OSGIN2: variants seen among roughly 807,000 people sequenced by gnomAD.
OSGIN2 encodes oxidative stress induced growth inhibitor family member 2.
A neutral mutation model predicts 53.8 loss-of-function variants in OSGIN2; 19 were observed. That is an observed-to-expected ratio of 0.35 (90% CI 0.25 to 0.52). OSGIN2 has a LOEUF of 0.52. Ranked by LOEUF, OSGIN2 falls within the 20% of genes least tolerant of loss-of-function variation. OSGIN2 has a pLI of 0.95. For missense variants in OSGIN2, 520 were observed against 662.7 expected (o/e 0.78, Z 2.36); for synonymous variants, 236 against 236.0 (o/e 1.00, Z 0.00).
intron 5 of OSGIN2, among the ~76,000 whole-genome samples, chr8:89,923,653 C>T (rs1809252334): frequency 6.6e-6 from 1 of 152,146 alleles, no homozygotes. Flanking sequence ...GCTCTGAGCA[C>T]ATTTAAGGCA....
chr8:89,919,382 C>T (rs76902623), intron 4 of OSGIN2, among the ~76,000 whole-genome samples: 1,825 of 152,276 alleles, frequency 0.012, 36 homozygotes, highest in African/African-American at 0.041. Context: ...GTCACTGGTG[C>T]GTGGTGTCGA....
At chr8:89,913,253 C>T (rs1809008857) in intron 2 of OSGIN2, among the ~76,000 whole-genome samples, 1 of 152,154 alleles carries the variant, frequency 6.6e-6, no homozygotes, top group Non-Finnish European at 1.5e-5. Flanking sequence ...CTGTTACCAT[C>T]CTTGCTTTAA....
intron 4 of OSGIN2, among the ~76,000 whole-genome samples, chr8:89,915,115 TAAATG>T (rs757137075): frequency 6.6e-6 from 1 of 152,234 alleles, no homozygotes; most frequent in Non-Finnish European, 1.5e-5. Context: ...TTCAGAATCT[TAAATG>T]AAAAATGTAA....
chr8:89,902,883 C>G (rs149993601), intron 1 of OSGIN2, 46 bp downstream of exon 1: 46,504 of 1,289,122 alleles, frequency 0.036, 1,110 homozygotes, highest in South Asian at 0.086. Flanking sequence ...GGGGATGCCG[C>G]GCTCTCGAGC....
At chr8:89,918,094 C>T (rs1011417280) in intron 4 of OSGIN2, among the ~76,000 whole-genome samples, 3 of 152,194 alleles carry the variant, frequency 2.0e-5, no homozygotes, top group Admixed American at 2.0e-4. Context: ...CTTCTGCCAC[C>T]GGTTTTCCAT....
chr8:89,902,750 GC>G lies in OSGIN2; in HGVS notation c.-43del. On this transcript the variant is annotated 5_prime_UTR_variant, in exon 1 of 6. Coordinates refer to ENST00000451899, the MANE Select transcript of OSGIN2 (RefSeq NM_001126111.3). ...GGCAGCCTCGCCGGGGGAGGCGGAGGCGGCCACGGCGGCCGCGCTCGGGCGC... is the reference window on the plus strand; with the variant it reads ...GGCAGCCTCGCCGGGGGAGGCGGAGGGGCCACGGCGGCCGCGCTCGGGCGC... 1 of 1,169,380 alleles carries G rather than the reference GC, an allele frequency of 8.6e-7. No homozygotes were observed. The allele number at this position is 1,169,380 out of a possible 1,614,324, so 72.4% of individuals were successfully genotyped here.
At chr8:89,913,159 C>G (rs1236089185) in intron 2 of OSGIN2, among the ~76,000 whole-genome samples, 1 of 152,216 alleles carries the variant, frequency 6.6e-6, no homozygotes, top group East Asian at 1.9e-4. Flanking sequence ...CTGCCTACAT[C>G]TTAGCAGAAT....
rs77826209 is a variant in OSGIN2 at position 89,917,471 on chromosome 8, A to G, written c.528+2725A>G. 3.8e-3 allele frequency among the ~76,000 whole-genome samples: 583 copies of G among 152,310 alleles called. 7 individuals are homozygous for G. Among genetic ancestry groups the G allele is most frequent in the African/African-American group, 0.013 (527 of 41,560 alleles). On this transcript the variant is annotated intron_variant, in intron 4 of 5. Transcript: ENST00000451899. ...CCTTAACCCATTGTCCTTCTGTCAC[A>G]TAGGTTTGTCATACAGGCAATTCAT...
chr8:89,917,652 C>CT (rs971270171), intron 4 of OSGIN2, among the ~76,000 whole-genome samples: 3 of 152,040 alleles, frequency 2.0e-5, no homozygotes, highest in African/African-American at 4.8e-5. Flanking sequence ...ACCTTTATCT[C>CT]TTTTTTTTCT....
At chr8:89,923,124 C>G (rs1809243974) in intron 5 of OSGIN2, among the ~76,000 whole-genome samples, 1 of 152,096 alleles carries the variant, frequency 6.6e-6, no homozygotes, top group Non-Finnish European at 1.5e-5. Context: ...AGGCCTAGCA[C>G]ATTACTGTAC....
At chr8:89,918,114 T>G (rs1166366666) in intron 4 of OSGIN2, among the ~76,000 whole-genome samples, 1 of 152,194 alleles carries the variant, frequency 6.6e-6, no homozygotes, top group Non-Finnish European at 1.5e-5. Flanking sequence ...TTGGAACTGT[T>G]TTTTCTGAAA....
At position 89,911,928 on chromosome 8, in the gene OSGIN2, A is replaced by C. The variant is rs556663010; in HGVS notation, c.200-2149A>C. Among the ~76,000 whole-genome samples, 863 of 134,370 alleles carry C rather than the reference A, an allele frequency of 6.4e-3. 7 individuals carry two copies. Among genetic ancestry groups the C allele is most frequent in the African/African-American group, 0.027 (818 of 30,376 alleles). The allele number at this position is 134,370 out of a possible 152,430, so 88.2% of individuals were successfully genotyped here. A position where few individuals can be genotyped will look rare whatever the true frequency, so the allele number is the denominator to read the frequency against. ...ACTCCAGCTTGGGCGACAGAGCGAG[A>C]CTCCGTCTCAAAAAAAAAAAAGATA... On this transcript the variant is annotated intron_variant, in intron 2 of 5. Transcript: ENST00000451899.
chr8:89,911,937 CAAAAAA>C (rs35376198), intron 2 of OSGIN2, among the ~76,000 whole-genome samples: 3 of 144,398 alleles, frequency 2.1e-5, no homozygotes, highest in African/African-American at 7.4e-5. Flanking sequence ...GACTCCGTCT[CAAAAAA>C]AAAAAAGATA....
intron 2 of OSGIN2, among the ~76,000 whole-genome samples, chr8:89,913,215 TAGAA>T (rs1809007880): frequency 6.6e-6 from 1 of 152,190 alleles, no homozygotes; most frequent in African/African-American, 2.4e-5. Flanking sequence ...TCATTAGTTT[TAGAA>T]AGGCGGTTTA....
intron 1 of OSGIN2, among the ~76,000 whole-genome samples, chr8:89,909,037 A>AATATATAT (rs1252373741): frequency 2.6e-4 from 22 of 84,864 alleles, no homozygotes; most frequent in African/African-American, 1.4e-3. Flanking sequence ...AAAAAAAAAA[A>AATATATAT]ATATATATAT....
rs576640788 is a variant in OSGIN2 at position 89,910,286 on chromosome 8, C to CATA, written c.199+567_199+568insAAT. Among the ~76,000 whole-genome samples the CATA allele has an allele frequency of 5.7e-3, 863 of 152,222 alleles. 7 individuals carry two copies. Among genetic ancestry groups the CATA allele is most frequent in the African/African-American group, 0.02 (818 of 41,516 alleles). On this transcript the variant is annotated intron_variant, in intron 2 of 5. Coordinates refer to ENST00000451899, the MANE Select transcript of OSGIN2 (RefSeq NM_001126111.3). ...ATTAAAAATTAAACTATTAATAAAA[C>CATA]ATTCAGATTTATAAGCTTTTATAAT...
intron 1 of OSGIN2, among the ~76,000 whole-genome samples, chr8:89,903,457 A>G (rs923313693): frequency 2.0e-5 from 3 of 152,236 alleles, no homozygotes; most frequent in Non-Finnish European, 4.4e-5. Context: ...ATTGGTGGAA[A>G]GACCAGACAC....
At position 89,902,777 on chromosome 8, in the gene OSGIN2, C is replaced by T; in HGVS notation, c.-17C>T. On this transcript the variant is annotated 5_prime_UTR_variant, in exon 1 of 6. Transcript: ENST00000451899. ...GGCCACGGCGGCCGCGCTCGGGCGC[C>T]CCTCGCGCAGCGCTCCATGCCCGTG... is the stretch of plus-strand genomic sequence containing the variant. 1.6e-6 allele frequency: 2 copies of T among 1,244,154 alleles called. No homozygotes were observed. Among genetic ancestry groups the T allele is most frequent in the Non-Finnish European group, 2.0e-6 (2 of 984,824 alleles). The allele number at this position is 1,244,154 out of a possible 1,614,324, so 77.1% of individuals were successfully genotyped here. A position where few individuals can be genotyped will look rare whatever the true frequency, so the allele number is the denominator to read the frequency against.
chr8:89,913,340 T>C (rs981078433), intron 2 of OSGIN2, among the ~76,000 whole-genome samples: 1 of 152,212 alleles, frequency 6.6e-6, no homozygotes, highest in Non-Finnish European at 1.5e-5. Flanking sequence ...CCTTTGAAGC[T>C]AGAAGCAAGA....
Sources: allele counts gnomAD v4.1 joint callset (sites outside exome capture counted in the v4.1 genomes callset), GRCh38; gene constraint gnomAD v4.1.1; transcripts MANE v1.5; gene names NCBI Gene and HGNC (gene_info 2026-07-23, HGNC 2026-07-21).